CTSC: variants seen among roughly 807,000 people sequenced by gnomAD.
The protein encoded by CTSC is dipeptidyl peptidase 1.
CTSC carries 37 observed loss-of-function variants against 40.9 expected under a neutral mutation model. That is an observed-to-expected ratio of 0.91 (90% CI 0.70 to 1.19). The LOEUF (loss-of-function observed/expected upper bound fraction) is 1.19. Ranked by LOEUF, CTSC falls within the 50% of genes most tolerant of loss-of-function variation. The probability of loss-of-function intolerance (pLI) is 0.00; values close to 1 mark genes in which losing one functional copy is unlikely to be tolerated. For synonymous variants in CTSC, 232 were observed against 207.4 expected (o/e 1.12, Z -1.02); for missense variants, 594 against 567.3 (o/e 1.05, Z -0.48).
rs571566091 is a variant in CTSC, at chr11:88,307,377, A to G, written c.641+1786T>C. On this transcript the variant is annotated intron_variant, in intron 4 of 6. Coordinates refer to ENST00000227266, the MANE Select transcript of CTSC (RefSeq NM_001814.6). ...ACTATATTAGATAGATGTAGATCCT[A>G]AGCTAGATCCAGCTATACTTTCAGA... 3.3e-5 allele frequency among the ~76,000 whole-genome samples: 5 copies of G among 152,286 alleles called. No individual in the cohort carries two copies. The South Asian group carries it at 1.0e-3, about 32-fold the overall frequency.
rs1158993979 is a variant in CTSC at position 88,327,991 on chromosome 11, A to G, written c.318+6946T>C. 6.7e-6 allele frequency: 5 copies of G among 748,356 alleles called. No homozygotes were observed. In the East Asian group the frequency reaches 1.3e-4, roughly 20 times the overall value. 46.4% of individuals were successfully genotyped at this position (748,356 alleles called of 1,614,324 possible). Reference sequence around the variant, plus strand: ...CAGGCTCAAGCAAGAAATTCATAAGAAAACCATAATCTCTCCAGTCACCCT... The same window carrying G: ...CAGGCTCAAGCAAGAAATTCATAAGGAAACCATAATCTCTCCAGTCACCCT... On this transcript the variant is annotated intron_variant, in intron 2 of 6. Coordinates refer to ENST00000227266, the MANE Select transcript of CTSC (RefSeq NM_001814.6).
chr11:88,322,405 G>A (rs536332322), intron 2 of CTSC: 83 of 152,048 alleles, frequency 5.5e-4, no homozygotes, highest in African/African-American at 1.8e-3. Context: ...TTAATCCATC[G>A]TAAGTTGATT....
rs181890937 is a variant in CTSC at position 88,329,411 on chromosome 11, G to A, written c.318+5526C>T. ...GAAGGACAATCTCTTAAACCCAGGA[G>A]GTGGAAGGAGCGAGGGCCTGGGAGA... On this transcript the variant is annotated intron_variant, in intron 2 of 6. Transcript: ENST00000227266. Among the ~76,000 whole-genome samples the A allele has an allele frequency of 8.9e-3, 1,233 of 138,254 alleles. 17 individuals carry two copies. Among genetic ancestry groups the A allele is most frequent in the Admixed American group, 0.05 (630 of 12,526 alleles). 90.7% of individuals were successfully genotyped at this position (138,254 alleles called of 152,430 possible). A position where few individuals can be genotyped will look rare whatever the true frequency, so the allele number is the denominator to read the frequency against.
intron 2 of CTSC, chr11:88,324,829 G>C: frequency 1.0e-6 from 1 of 985,376 alleles, no homozygotes; most frequent in Non-Finnish European, 1.2e-6. Flanking sequence ...ATCAGGTCCA[G>C]AGGTGAGATA....
At chr11:88,326,096 T>C (rs1938175213) in intron 2 of CTSC, 1 of 1,271,638 alleles carries the variant, frequency 7.9e-7, no homozygotes, top group Non-Finnish European at 9.9e-7. Flanking sequence ...TGTTGTATAT[T>C]GTTCCTTTTA....
At chr11:88,334,121 T>C (rs1406305360) in intron 2 of CTSC, among the ~76,000 whole-genome samples, 1 of 152,208 alleles carries the variant, frequency 6.6e-6, no homozygotes, top group East Asian at 1.9e-4. Flanking sequence ...TTAAAGGCTG[T>C]AAACCTTTCA....
At chr11:88,321,206 C>T (rs989695910) in intron 2 of CTSC, 3 of 195,996 alleles carry the variant, frequency 1.5e-5, no homozygotes, top group African/African-American at 7.1e-5. Flanking sequence ...CATAGATAAA[C>T]ATGTGCCATG....
At chr11:88,305,089 C>T (rs954952934) in intron 4 of CTSC, among the ~76,000 whole-genome samples, 1 of 89,756 alleles carries the variant, frequency 1.1e-5, no homozygotes, top group East Asian at 3.7e-4. Context: ...CACAGTGAGA[C>T]TCTGTCAAAA....
chr11:88,322,740 A>G (rs1938057699), intron 2 of CTSC: 1 of 152,246 alleles, frequency 6.6e-6, no homozygotes. Flanking sequence ...ATCCCTGAAT[A>G]GATCAATAAC....
chr11:88,312,612 C>A, intron 2 of CTSC, 58 bp from the exon 3 acceptor site: 1 of 1,590,554 alleles, frequency 6.3e-7, no homozygotes. Flanking sequence ...ATTTCAGGTC[C>A]ATTTCCATGG....
chr11:88,296,085 G>A, intron 6 of CTSC, 48 bp downstream of exon 6: 1 of 1,606,050 alleles, frequency 6.2e-7, no homozygotes, highest in Non-Finnish European at 8.5e-7. Context: ...ACAGCCAGCT[G>A]CACACAGGTA....
intron 1 of CTSC, among the ~76,000 whole-genome samples, chr11:88,337,184 G>A (rs1232320142): frequency 6.6e-6 from 1 of 152,118 alleles, no homozygotes; most frequent in East Asian, 1.9e-4. Flanking sequence ...AGATCGGACT[G>A]GAGAACCAAA....
rs773560028 is a variant in CTSC at position 88,337,610 on chromosome 11, G to C, written c.63C>G (p.Ala21=). 6 of 1,581,180 alleles carry C rather than the reference G, an allele frequency of 3.8e-6. No homozygotes were observed. The highest frequency in any genetic ancestry group is 2.6e-6 in the Non-Finnish European group (3 of 1,163,082). Residue 21 remains alanine, a synonymous_variant, in exon 1 of 7, where the codon GCC becomes GCG. Transcript: ENST00000227266. ...ALLLLLSGDG[A]VRCDTPANCT... is the part of the protein sequence containing the mutation. ...AGTTGGCAGGTGTGTCGCAGCGCAC[G>C]GCGCCGTCGCCGGAGAGAAGCAGCA...
chr11:88,337,454 C>CAGA, intron 1 of CTSC, 47 bp downstream of exon 1: 1 of 1,544,408 alleles, frequency 6.5e-7, no homozygotes, highest in Non-Finnish European at 8.8e-7. Context: ...GTTAGGGGCT[C>CAGA]AAGGGCAGAA....
intron 2 of CTSC, among the ~76,000 whole-genome samples, chr11:88,320,307 C>T (rs1046966643): frequency 6.6e-6 from 1 of 152,176 alleles, no homozygotes; most frequent in Non-Finnish European, 1.5e-5. Context: ...CCAAAATACA[C>T]ACTCCAGAAT....
chr11:88,333,692 TG>T (rs1197291155), intron 2 of CTSC, among the ~76,000 whole-genome samples: 3 of 138,766 alleles, frequency 2.2e-5, no homozygotes, highest in Non-Finnish European at 4.5e-5. Flanking sequence ...ATTGTAAGTA[TG>T]TTTTTTACAA....
At chr11:88,319,075 C>T (rs11019297) in intron 2 of CTSC, among the ~76,000 whole-genome samples, 43,601 of 152,004 alleles carry the variant, frequency 0.29, 7,509 homozygotes, top group Non-Finnish European at 0.4. Context: ...AGCATATTCC[C>T]TTTTTCACAT....
chr11:88,334,760 A>T (rs1312644081), intron 2 of CTSC, 177 bp downstream of exon 2: 2 of 592,098 alleles, frequency 3.4e-6, no homozygotes, highest in Non-Finnish European at 6.0e-6. Flanking sequence ...ACCTACTAAA[A>T]TCATAATTTT....
chr11:88,323,244 T>A (rs1316624513), intron 2 of CTSC: 1 of 152,186 alleles, frequency 6.6e-6, no homozygotes, highest in Non-Finnish European at 1.5e-5. Flanking sequence ...AAACTCTCAA[T>A]AAACTAGGTA....
Sources: gnomAD v4.1 joint callset for allele counts (sites outside exome capture counted in the v4.1 genomes callset) on GRCh38, gnomAD v4.1.1 for gene constraint, MANE v1.5 for transcripts, NCBI Gene and HGNC (gene_info 2026-07-23, HGNC 2026-07-21) for gene names.